GABBR2: variants seen among roughly 807,000 people sequenced by gnomAD.
The protein encoded by GABBR2 is gamma-aminobutyric acid type B receptor subunit 2.
A neutral mutation model predicts 105.6 loss-of-function variants in GABBR2; 23 were observed. The ratio of observed to expected loss-of-function variants is 0.22; its 90% CI spans 0.16 to 0.31. GABBR2 has a LOEUF of 0.31. GABBR2 is among the 10% of genes least tolerant of loss of function. GABBR2 has a pLI of 1.00. For synonymous variants in GABBR2, 478 were observed against 499.7 expected, an observed-to-expected ratio of 0.96 and a Z score of 0.58; for missense variants, 734 against 1,245.5, an observed-to-expected ratio of 0.59 and a Z score of 6.18.
chr9:98,527,827 G>C (rs980983584), intron 3 of GABBR2, among the ~76,000 whole-genome samples: 10 of 152,056 alleles, frequency 6.6e-5, no homozygotes, highest in Non-Finnish European at 4.4e-5. Flanking sequence ...GAAAATGAAG[G>C]CAACTGTTAA....
chr9:98,420,060 C>T (rs1016223556), intron 7 of GABBR2, among the ~76,000 whole-genome samples: 2 of 152,014 alleles, frequency 1.3e-5, no homozygotes, highest in African/African-American at 2.4e-5. Flanking sequence ...CTTGGAGACG[C>T]TCTCTGGCTT....
chr9:98,706,325 T>C (rs555069068), intron 1 of GABBR2, among the ~76,000 whole-genome samples: 70 of 152,254 alleles, frequency 4.6e-4, no homozygotes, highest in Admixed American at 1.7e-3. Flanking sequence ...CTCAAGGTCA[T>C]CCAGGGTGGA....
At chr9:98,504,519 C>T (rs1827467055) in intron 3 of GABBR2, among the ~76,000 whole-genome samples, 1 of 152,224 alleles carries the variant, frequency 6.6e-6, no homozygotes, top group Non-Finnish European at 1.5e-5. Context: ...CACTTTACAA[C>T]TCTTTGAAAA....
At chr9:98,347,951 GCAAGCTCTCTTGCCTGCCA>G in intron 13 of GABBR2, among the ~76,000 whole-genome samples, 1 of 152,274 alleles carries the variant, frequency 6.6e-6, no homozygotes, top group Non-Finnish European at 1.5e-5. Flanking sequence ...GTCCCCCTGC[GCAAGCTCTCTTGCCTGCCA>G]CCATTTAAGA....
intron 1 of GABBR2, among the ~76,000 whole-genome samples, chr9:98,680,760 G>A (rs547867199): frequency 2.0e-5 from 3 of 152,262 alleles, no homozygotes; most frequent in South Asian, 2.1e-4. Flanking sequence ...ATAAACGTAA[G>A]GTGACTTAAA....
At chr9:98,698,827 G>T (rs1473596780) in intron 1 of GABBR2, among the ~76,000 whole-genome samples, 1 of 152,026 alleles carries the variant, frequency 6.6e-6, no homozygotes, top group East Asian at 1.9e-4. Flanking sequence ...ATCTAGTTTG[G>T]GGTCCAGACC....
chr9:98,294,497 C>CTT (rs1054724028), intron 17 of GABBR2, among the ~76,000 whole-genome samples: 6 of 144,824 alleles, frequency 4.1e-5, no homozygotes, highest in Non-Finnish European at 7.6e-5. Flanking sequence ...ACCTCGGCAT[C>CTT]TTTTTTTTTT....
At chr9:98,407,124 C>T (rs1832505082) in intron 7 of GABBR2, among the ~76,000 whole-genome samples, 1 of 152,180 alleles carries the variant, frequency 6.6e-6, no homozygotes, top group Non-Finnish European at 1.5e-5. Context: ...AAATAAGTTT[C>T]TTCCTGTCTT....
At chr9:98,673,655 C>T (rs1830434458) in intron 1 of GABBR2, among the ~76,000 whole-genome samples, 1 of 150,762 alleles carries the variant, frequency 6.6e-6, no homozygotes, top group Admixed American at 6.6e-5. Flanking sequence ...AAAGAAAACA[C>T]TTTTGGTGTT....
In GABBR2 at chr9:98,537,051, G is replaced by A. The variant is rs77528079; in HGVS notation, c.630+4822C>T. ...TGACTCTGAGCCAATTACGCAGGAC[G>A]TGAGTTCTCAACGCTGGCGACACAC... On this transcript the variant is annotated intron_variant, in intron 3 of 18. Transcript: ENST00000259455. 7.9e-5 allele frequency among the ~76,000 whole-genome samples: 12 copies of A among 152,298 alleles called. No individual in the cohort carries two copies. The South Asian group carries it at 1.0e-3, about 13-fold the overall frequency.
chr9:98,493,230 G>A (rs1443536276), intron 4 of GABBR2, among the ~76,000 whole-genome samples: 1 of 152,144 alleles, frequency 6.6e-6, no homozygotes, highest in East Asian at 1.9e-4. Context: ...ACCAGTATGT[G>A]TGTTATTCCT....
At chr9:98,427,216 C>A (rs781289277) in intron 7 of GABBR2, among the ~76,000 whole-genome samples, 10 of 152,116 alleles carry the variant, frequency 6.6e-5, no homozygotes, top group Non-Finnish European at 1.3e-4. Context: ...GGAGTGAGGT[C>A]AGGAGAAGCT....
intron 1 of GABBR2, among the ~76,000 whole-genome samples, chr9:98,678,710 C>T (rs1343537365): frequency 6.6e-6 from 1 of 152,190 alleles, no homozygotes; most frequent in Non-Finnish European, 1.5e-5. Context: ...TTTCAGAGTG[C>T]TTTCTCTTTC....
chr9:98,322,937 A>G (rs1291360840), intron 13 of GABBR2, among the ~76,000 whole-genome samples: 2 of 151,780 alleles, frequency 1.3e-5, no homozygotes, highest in Non-Finnish European at 2.9e-5. Context: ...TGACCCCCTC[A>G]CATTTACTAA....
intron 3 of GABBR2, among the ~76,000 whole-genome samples, chr9:98,499,265 A>C (rs1282956979): frequency 6.6e-6 from 1 of 152,242 alleles, no homozygotes; most frequent in Non-Finnish European, 1.5e-5. Flanking sequence ...GCAGAATAAA[A>C]TGTTTTATAG....
chr9:98,390,848 G>C (rs1832167488), intron 9 of GABBR2, among the ~76,000 whole-genome samples: 1 of 152,090 alleles, frequency 6.6e-6, no homozygotes, highest in South Asian at 2.1e-4. Flanking sequence ...CTATTGTATA[G>C]AAACAACTCC....
intron 1 of GABBR2, among the ~76,000 whole-genome samples, chr9:98,680,451 G>A (rs1003038770): frequency 2.0e-5 from 3 of 151,578 alleles, no homozygotes; most frequent in East Asian, 1.9e-4. Context: ...GACTACAGGC[G>A]CCCGCCACTA....
intron 4 of GABBR2, among the ~76,000 whole-genome samples, chr9:98,483,128 A>G (rs1285866406): frequency 6.6e-6 from 1 of 152,088 alleles, no homozygotes; most frequent in Non-Finnish European, 1.5e-5. Context: ...CTTTCCCAAG[A>G]GGCCCTTTCC....
Position 98,392,300 on chromosome 9 carries a change from C to T in GABBR2, c.1378+1875G>A, listed in dbSNP as rs139741651. ...TATTTTGTGTCTTTTATTTGTTTGGCGCTTGAATCTTTTCTTCAATTCGTA... is the reference window on the plus strand; with the variant it reads ...TATTTTGTGTCTTTTATTTGTTTGGTGCTTGAATCTTTTCTTCAATTCGTA... On this transcript the variant is annotated intron_variant, in intron 9 of 18. Coordinates refer to ENST00000259455, the MANE Select transcript of GABBR2 (RefSeq NM_005458.8). 9.8e-5 allele frequency among the ~76,000 whole-genome samples: 15 copies of T among 152,294 alleles called. No homozygotes were observed. The East Asian group carries it at 1.7e-3, about 18-fold the overall frequency.
Sources: allele counts gnomAD v4.1 joint callset (sites outside exome capture counted in the v4.1 genomes callset), GRCh38; gene constraint gnomAD v4.1.1; transcripts MANE v1.5; gene names NCBI Gene and HGNC (gene_info 2026-07-23, HGNC 2026-07-21).